The following SOX5 variants were observed in gnomAD, a reference collection of about 807,000 sequenced individuals.
The protein encoded by SOX5 is transcription factor SOX-5.
SOX5 carries 9 observed loss-of-function variants against 92.0 expected under a neutral mutation model. The ratio of observed to expected loss-of-function variants is 0.10; its 90% CI spans 0.06 to 0.17. The LOEUF (loss-of-function observed/expected upper bound fraction) is 0.17. Among genes scored for constraint, SOX5 ranks in the 10% least tolerant of loss-of-function variants. The pLI is 1.00. For missense variants in SOX5, 642 were observed against 944.5 expected (o/e 0.68, Z 4.20); for synonymous variants, 344 against 336.3 (o/e 1.02, Z -0.25).
chr12:23,994,572 C>G (rs1025541507), intron 4 of SOX5, among the ~76,000 whole-genome samples: 15 of 152,052 alleles, frequency 9.9e-5, no homozygotes, highest in African/African-American at 3.4e-4. Flanking sequence ...ACTATTTTCT[C>G]CGTAATTTTG....
intron 8 of SOX5, 95 bp downstream of exon 8, chr12:23,640,717 A>G (rs1267166881): frequency 1.2e-6 from 1 of 821,012 alleles, no homozygotes; most frequent in Non-Finnish European, 2.1e-6. Context: ...TGTGAGACGA[A>G]TATCACGAGT....
intron 2 of SOX5, among the ~76,000 whole-genome samples, chr12:24,329,899 T>A (rs752877432): frequency 6.6e-6 from 1 of 152,184 alleles, no homozygotes; most frequent in Non-Finnish European, 1.5e-5. Context: ...AGAACATGCC[T>A]GTAATCCCAG....
intron 1 of SOX5, among the ~76,000 whole-genome samples, chr12:24,429,917 G>A (rs1396120877): frequency 6.6e-6 from 1 of 152,042 alleles, no homozygotes; most frequent in Non-Finnish European, 1.5e-5. Context: ...GATAAGTCAA[G>A]TGAAACTGAA....
intron 4 of SOX5, among the ~76,000 whole-genome samples, chr12:24,068,739 T>A (rs1027920638): frequency 1.3e-5 from 1 of 79,544 alleles, no homozygotes; most frequent in Admixed American, 1.3e-4. Context: ...TATATATATA[T>A]ATATATATAC....
intron 2 of SOX5, among the ~76,000 whole-genome samples, chr12:23,866,563 A>T (rs2096816772): frequency 6.6e-6 from 1 of 152,178 alleles, no homozygotes; most frequent in Admixed American, 6.5e-5. Flanking sequence ...TTCATATCCA[A>T]AGCAATATTC....
chr12:24,089,795 C>T (rs1349836420), intron 4 of SOX5, among the ~76,000 whole-genome samples: 1 of 152,070 alleles, frequency 6.6e-6, no homozygotes, highest in Non-Finnish European at 1.5e-5. Context: ...ATGAAAGATG[C>T]ATTCTGAATA....
At position 24,079,104 on chromosome 12, in the gene SOX5, G is replaced by A. The variant is rs779166449; in HGVS notation, c.-2+134239C>T. ...TTTGCTCTGTTCAACATCACCTCAC[G>A]TAGCAGCCAAAATGATGAAAAGACA... On this transcript the variant is annotated intron_variant, in intron 4 of 4. Transcript: ENST00000446891. Among the ~76,000 whole-genome samples the A allele has an allele frequency of 6.6e-5, 10 of 150,836 alleles. No individual in the cohort carries two copies. The East Asian group carries it at 1.2e-3, about 18-fold the overall frequency.
At chr12:24,471,534 G>T (rs1224683113) in intron 1 of SOX5, among the ~76,000 whole-genome samples, 1 of 152,136 alleles carries the variant, frequency 6.6e-6, no homozygotes, top group Non-Finnish European at 1.5e-5. Flanking sequence ...ACCTCATACT[G>T]ACCCATTCTC....
chr12:24,028,875 T>C (rs1161949582), intron 4 of SOX5, among the ~76,000 whole-genome samples: 2 of 152,062 alleles, frequency 1.3e-5, no homozygotes, highest in South Asian at 2.1e-4. Flanking sequence ...GTTTAAAATA[T>C]GGTTTTGTTT....
intron 7 of SOX5, among the ~76,000 whole-genome samples, chr12:23,649,072 G>T (rs1273914259): frequency 6.6e-6 from 1 of 152,060 alleles, no homozygotes; most frequent in Non-Finnish European, 1.5e-5. Flanking sequence ...TACTTTGGTT[G>T]AAGTATGCTC....
chr12:23,616,549 T>C (rs1349702738), intron 8 of SOX5, among the ~76,000 whole-genome samples: 4 of 152,222 alleles, frequency 2.6e-5, no homozygotes, highest in African/African-American at 7.2e-5. Flanking sequence ...CACATACACA[T>C]AATCTGAGAG....
rs1283770286 is a variant in SOX5 at position 24,331,770 on chromosome 12, C to T, written c.-174+36793G>A. On this transcript the variant is annotated intron_variant, in intron 2 of 4. Transcript: ENST00000446891. The stretch of plus-strand genomic sequence containing the variant: ...GGCTGAGGCACGAGAATCCCTTGAG[C>T]CCAGGGGGCAGAGGTTGCACTGAGT... 2.8e-5 allele frequency among the ~76,000 whole-genome samples: 4 copies of T among 141,642 alleles called. No homozygotes were observed. The Admixed American group carries it at 3.0e-4, about 11-fold the overall frequency. The allele number at this position is 141,642 out of a possible 152,430, so 92.9% of individuals were successfully genotyped here.
intron 9 of SOX5, among the ~76,000 whole-genome samples, chr12:23,593,673 TA>T: frequency 6.6e-6 from 1 of 152,180 alleles, no homozygotes; most frequent in Non-Finnish European, 1.5e-5. Context: ...AGTACATGTT[TA>T]AATAAATGAT....
At chr12:24,039,873 G>A (rs961950398) in intron 4 of SOX5, among the ~76,000 whole-genome samples, 6 of 152,100 alleles carry the variant, frequency 3.9e-5, no homozygotes, top group South Asian at 2.1e-4. Flanking sequence ...GTGTCCTACC[G>A]GAAGTGTCTC....
intron 6 of SOX5, among the ~76,000 whole-genome samples, chr12:23,697,020 C>A (rs1016423768): frequency 1.3e-5 from 2 of 152,058 alleles, no homozygotes; most frequent in African/African-American, 2.4e-5. Flanking sequence ...GTGTAATCTG[C>A]TTGCTAAATA....
chr12:23,694,854 C>T (rs1180016146), intron 6 of SOX5, among the ~76,000 whole-genome samples: 1 of 152,192 alleles, frequency 6.6e-6, no homozygotes, highest in Admixed American at 6.5e-5. Flanking sequence ...CACAGTGGCT[C>T]ATGCCTGTAA....
chr12:23,880,743 T>G (rs564053989), intron 2 of SOX5, among the ~76,000 whole-genome samples: 6 of 152,318 alleles, frequency 3.9e-5, no homozygotes, highest in African/African-American at 1.2e-4. Flanking sequence ...GGAACAAGTA[T>G]GCCATCTTGC....
chr12:24,391,047 T>C lies in SOX5; in HGVS notation c.-250-22408A>G, dbSNP rs74331929. On this transcript the variant is annotated intron_variant, in intron 1 of 4. Transcript: ENST00000446891. ...CTAATTTACATTCCCACCAGCAGCA[T>C]ACAAGTGTTCTCTCTTCTTCCCATT... 7.1e-3 allele frequency among the ~76,000 whole-genome samples: 1,087 copies of C among 152,298 alleles called. 7 individuals carry two copies. The highest frequency in any genetic ancestry group is 0.032 in the South Asian group (152 of 4,822).
chr12:24,138,941 C>A (rs1299951906), intron 4 of SOX5, among the ~76,000 whole-genome samples: 1 of 152,108 alleles, frequency 6.6e-6, no homozygotes, highest in African/African-American at 2.4e-5. Context: ...TGATAATATG[C>A]AAGGCTAAAA....
Sources: allele counts gnomAD v4.1 joint callset (sites outside exome capture counted in the v4.1 genomes callset), GRCh38; gene constraint gnomAD v4.1.1; transcripts MANE v1.5; gene names NCBI Gene and HGNC (gene_info 2026-07-23, HGNC 2026-07-21).